The following DPP10 variants were observed in gnomAD, a reference collection of about 807,000 sequenced individuals.
DPP10 encodes inactive dipeptidyl peptidase 10.
In DPP10, 33 loss-of-function variants were observed where a neutral mutation model predicts 120.9. That is an observed-to-expected ratio of 0.27 (90% CI 0.21 to 0.37). The LOEUF (loss-of-function observed/expected upper bound fraction) is 0.37. Among genes scored for constraint, DPP10 ranks in the 10% least tolerant of loss-of-function variants. The pLI is 1.00. For synonymous variants in DPP10, 337 were observed against 326.1 expected, an observed-to-expected ratio of 1.03 and a Z score of -0.36; for missense variants, 816 against 942.8, an observed-to-expected ratio of 0.87 and a Z score of 1.76.
chr2:115,784,125 A>G (rs13403448), intron 17 of DPP10, among the ~76,000 whole-genome samples: 2,917 of 152,286 alleles, frequency 0.019, 103 homozygotes, highest in African/African-American at 0.066. Context: ...TCAAAAGCCA[A>G]TCATGTTTGT....
intron 3 of DPP10, among the ~76,000 whole-genome samples, chr2:115,389,648 G>A (rs1253464574): frequency 6.6e-6 from 1 of 152,140 alleles, no homozygotes; most frequent in East Asian, 1.9e-4. Context: ...AGTCCCGTTA[G>A]AGTAATGCCC....
chr2:115,766,545 A>C (rs1680788057), intron 12 of DPP10, among the ~76,000 whole-genome samples: 1 of 151,926 alleles, frequency 6.6e-6, no homozygotes, highest in Non-Finnish European at 1.5e-5. Context: ...ACATACATAC[A>C]TTCATATACA....
chr2:114,711,295 C>T (rs1020606693), intron 1 of DPP10, among the ~76,000 whole-genome samples: 2 of 152,162 alleles, frequency 1.3e-5, no homozygotes, highest in African/African-American at 4.8e-5. Flanking sequence ...ATACTTCCAG[C>T]TCAGCAGACT....
At chr2:115,124,174 C>T (rs2049960287) in intron 1 of DPP10, among the ~76,000 whole-genome samples, 1 of 152,164 alleles carries the variant, frequency 6.6e-6, no homozygotes, top group Admixed American at 6.5e-5. Flanking sequence ...AACTCCTAGA[C>T]TCAAGCGATC....
At chr2:115,185,181 G>A (rs776319783) in intron 1 of DPP10, among the ~76,000 whole-genome samples, 6 of 151,718 alleles carry the variant, frequency 4.0e-5, no homozygotes, top group African/African-American at 9.7e-5. Flanking sequence ...TGCTTAAAAC[G>A]CACAGCACGT....
At chr2:115,595,197 C>T (rs539506669) in intron 5 of DPP10, among the ~76,000 whole-genome samples, 3 of 152,010 alleles carry the variant, frequency 2.0e-5, no homozygotes, top group East Asian at 3.9e-4. Flanking sequence ...GTTTCTTAAA[C>T]AATAAGGCAT....
intron 1 of DPP10, among the ~76,000 whole-genome samples, chr2:114,489,977 G>A (rs1049359831): frequency 6.6e-6 from 1 of 152,182 alleles, no homozygotes; most frequent in Non-Finnish European, 1.5e-5. Flanking sequence ...TGAATACAGT[G>A]AAAGCTCAAT....
chr2:114,468,444 T>C (rs974386925), intron 1 of DPP10, among the ~76,000 whole-genome samples: 1 of 140,604 alleles, frequency 7.1e-6, no homozygotes, highest in African/African-American at 2.7e-5. Flanking sequence ...AGATGAAAGA[T>C]GTCTTCCACT....
At chr2:114,651,800 A>G (rs1438150220) in intron 1 of DPP10, among the ~76,000 whole-genome samples, 1 of 152,158 alleles carries the variant, frequency 6.6e-6, no homozygotes, top group Admixed American at 6.5e-5. Context: ...TGTTCATACA[A>G]ATGGCAGATG....
intron 1 of DPP10, among the ~76,000 whole-genome samples, chr2:115,028,651 T>A (rs1412592979): frequency 2.0e-5 from 3 of 151,864 alleles, no homozygotes; most frequent in Non-Finnish European, 4.4e-5. Flanking sequence ...GAAAGTAGGG[T>A]GTTGATGTCC....
intron 1 of DPP10, among the ~76,000 whole-genome samples, chr2:114,470,237 T>A (rs949311435): frequency 2.6e-5 from 4 of 152,162 alleles, no homozygotes; most frequent in African/African-American, 7.2e-5. Flanking sequence ...TAGAGGAAAA[T>A]TTTAACTTGC....
intron 1 of DPP10, among the ~76,000 whole-genome samples, chr2:114,580,723 T>TG (rs1470006602): frequency 1.4e-5 from 2 of 145,894 alleles, no homozygotes; most frequent in East Asian, 3.9e-4. Flanking sequence ...TCACATCTGT[T>TG]TTTTTTTTTT....
intron 7 of DPP10, among the ~76,000 whole-genome samples, chr2:115,694,818 C>T (rs564372522): frequency 1.3e-5 from 2 of 152,280 alleles, no homozygotes; most frequent in African/African-American, 2.4e-5. Flanking sequence ...TACCTATCTT[C>T]GACCCCAGCC....
At position 115,327,222 on chromosome 2, in the gene DPP10, T is replaced by C. The variant is rs184937731; in HGVS notation, c.176-16595T>C. 1.8e-4 allele frequency among the ~76,000 whole-genome samples: 28 copies of C among 152,172 alleles called. 2 individuals are homozygous for C. In the East Asian group the frequency reaches 4.1e-3, roughly 22 times the overall value. ...CAGTAATAGGCTGTATCTTATAGCATAGATATGCAGTAGACTTTAGCATCT... is the reference window on the plus strand; with the variant it reads ...CAGTAATAGGCTGTATCTTATAGCACAGATATGCAGTAGACTTTAGCATCT... On this transcript the variant is annotated intron_variant, in intron 2 of 25. Coordinates refer to ENST00000410059, the MANE Select transcript of DPP10 (RefSeq NM_020868.6).
intron 5 of DPP10, among the ~76,000 whole-genome samples, chr2:115,626,730 G>C (rs1415539246): frequency 6.6e-6 from 1 of 152,094 alleles, no homozygotes; most frequent in African/African-American, 2.4e-5. Flanking sequence ...GTATAACCCT[G>C]TTAGACATAG....
intron 1 of DPP10, among the ~76,000 whole-genome samples, chr2:114,856,640 C>G (rs1487123559): frequency 6.6e-6 from 1 of 152,122 alleles, no homozygotes; most frequent in African/African-American, 2.4e-5. Context: ...TAGGACATAG[C>G]TGCATAAATT....
At chr2:114,873,449 T>C (rs775220460) in intron 1 of DPP10, among the ~76,000 whole-genome samples, 1 of 152,150 alleles carries the variant, frequency 6.6e-6, no homozygotes, top group Non-Finnish European at 1.5e-5. Flanking sequence ...GGATAAGTCA[T>C]GTGCATTTTG....
intron 1 of DPP10, among the ~76,000 whole-genome samples, chr2:114,743,364 G>A (rs1678252431): frequency 6.6e-6 from 1 of 151,490 alleles, no homozygotes; most frequent in Non-Finnish European, 1.5e-5. Context: ...CAGCAAAGTT[G>A]AATTTGCTTG....
intron 5 of DPP10, among the ~76,000 whole-genome samples, chr2:115,614,946 C>T (rs549516486): frequency 1.3e-5 from 2 of 152,202 alleles, no homozygotes; most frequent in East Asian, 1.9e-4. Context: ...CCTCAATTCC[C>T]TATCTGTGCA....
Sources: gnomAD v4.1 joint callset for allele counts (sites outside exome capture counted in the v4.1 genomes callset) on GRCh38, gnomAD v4.1.1 for gene constraint, MANE v1.5 for transcripts, NCBI Gene and HGNC (gene_info 2026-07-23, HGNC 2026-07-21) for gene names.